The following ATP13A4 variants were observed in gnomAD, a reference collection of about 807,000 sequenced individuals.
ATP13A4 encodes the protein probable cation-transporting ATPase 13A4.
Under a neutral mutation model 142.5 loss-of-function variants are expected in ATP13A4, and 114 were observed. The ratio of observed to expected loss-of-function variants is 0.80; its 90% CI spans 0.69 to 0.93. ATP13A4 has a LOEUF of 0.93. ATP13A4 is among the 40% of genes least tolerant of loss of function. The pLI, the probability that ATP13A4 is intolerant of heterozygous loss-of-function variation, is 0.00. For synonymous variants in ATP13A4, 488 were observed against 514.8 expected (o/e 0.95, Z 0.70); for missense variants, 1,392 against 1,454.0 (o/e 0.96, Z 0.69).
At chr3:193,524,970 C>CT (rs2108694660) in intron 1 of ATP13A4, among the ~76,000 whole-genome samples, 1 of 152,278 alleles carries the variant, frequency 6.6e-6, no homozygotes, top group South Asian at 2.1e-4. Context: ...GCCTTTATCT[C>CT]TATCTGATTT....
At chr3:193,576,800 T>A (rs1400961072) in intron 2 of ATP13A4, among the ~76,000 whole-genome samples, 1 of 152,034 alleles carries the variant, frequency 6.6e-6, no homozygotes, top group African/African-American at 2.4e-5. Flanking sequence ...AAAAAACAAC[T>A]CATAAAAGCA....
At chr3:193,468,140 T>C (rs1718413457) in intron 9 of ATP13A4, among the ~76,000 whole-genome samples, 1 of 151,942 alleles carries the variant, frequency 6.6e-6, no homozygotes, top group Non-Finnish European at 1.5e-5. Flanking sequence ...GATTGTGCCA[T>C]TGCACTCCAG....
In ATP13A4 at chr3:193,577,401, C is replaced by T. The variant is rs76388623; in HGVS notation, n.291+4306G>A. Among the ~76,000 whole-genome samples the T allele has an allele frequency of 2.0e-5, 3 of 152,226 alleles. No individual in the cohort carries two copies. The East Asian group carries it at 5.8e-4, about 29-fold the overall frequency. ...CTTACCATTCTTTCTTCTGAGATGC[C>T]TTTTCACCTTCTCTTTATCTAAATC... On this transcript the variant is annotated intron_variant and non_coding_transcript_variant, in intron 2 of 3. Transcript: ENST00000489140.
intron 7 of ATP13A4, among the ~76,000 whole-genome samples, chr3:193,486,229 C>T (rs971733660): frequency 6.6e-6 from 1 of 151,922 alleles, no homozygotes; most frequent in African/African-American, 2.4e-5. Context: ...GTTTGTGAAC[C>T]TCCAGGGAAA....
intron 25 of ATP13A4, among the ~76,000 whole-genome samples, chr3:193,432,310 A>G (rs146896630): frequency 6.6e-6 from 1 of 152,252 alleles, no homozygotes; most frequent in East Asian, 1.9e-4. Context: ...CATTGGTAGT[A>G]GAAATGCAAA....
intron 28 of ATP13A4, among the ~76,000 whole-genome samples, chr3:193,410,358 A>G (rs1006610854): frequency 6.6e-6 from 1 of 152,320 alleles, no homozygotes; most frequent in South Asian, 2.1e-4. Flanking sequence ...TTAGGAAAAA[A>G]TTCTCTCATA....
At chr3:193,534,909 C>A (rs545348380) in intron 1 of ATP13A4, among the ~76,000 whole-genome samples, 41 of 151,858 alleles carry the variant, frequency 2.7e-4, no homozygotes, top group Non-Finnish European at 5.9e-4. Context: ...CTAAAGAAAT[C>A]TACAAAAAGA....
At chr3:193,483,680 C>G (rs552602873) in intron 8 of ATP13A4, among the ~76,000 whole-genome samples, 119 of 152,056 alleles carry the variant, frequency 7.8e-4, no homozygotes, top group Admixed American at 1.2e-3. Context: ...TAGCCAGGAT[C>G]GTCTCGATCT....
At chr3:193,482,028 G>A (rs1719326440) in intron 8 of ATP13A4, among the ~76,000 whole-genome samples, 1 of 152,038 alleles carries the variant, frequency 6.6e-6, no homozygotes, top group South Asian at 2.1e-4. Flanking sequence ...CAAAACTGTA[G>A]GACTAACATT....
intron 1 of ATP13A4, among the ~76,000 whole-genome samples, chr3:193,524,831 T>G (rs894111177): frequency 6.6e-6 from 1 of 152,232 alleles, no homozygotes; most frequent in African/African-American, 2.4e-5. Flanking sequence ...GGCTGATTAA[T>G]AACCTCTCAG....
At chr3:193,503,080 A>C (rs1011554512) in intron 2 of ATP13A4, among the ~76,000 whole-genome samples, 2 of 152,154 alleles carry the variant, frequency 1.3e-5, no homozygotes, top group African/African-American at 4.8e-5. Flanking sequence ...AAAAATGTTA[A>C]GTGTCCCTCT....
Position 193,491,372 on chromosome 3 carries a change from A to G in ATP13A4, c.560T>C (p.Ile187Thr). Residue 187 changes from isoleucine to threonine, a missense_variant, in exon 6 of 30, where the codon ATC becomes ACC. Coordinates refer to ENST00000342695, the MANE Select transcript of ATP13A4 (RefSeq NM_032279.4). ...IRRLICGPNT[I>T]DVEVTPIWKL... Reference sequence around the variant, plus strand: ...CCAAATTGGTGTAACTTCAACATCGATAGTATTAGGCCCACATATTAACCT... The same window carrying G: ...CCAAATTGGTGTAACTTCAACATCGGTAGTATTAGGCCCACATATTAACCT... 1 of 1,600,270 alleles carries G rather than the reference A, an allele frequency of 6.2e-7. No homozygotes were observed.
chr3:193,409,165 T>C (rs1264677212), intron 28 of ATP13A4, among the ~76,000 whole-genome samples: 3 of 152,182 alleles, frequency 2.0e-5, no homozygotes, highest in Non-Finnish European at 2.9e-5. Flanking sequence ...AAATAATTTA[T>C]AAATTTTTAA....
At chr3:193,524,229 C>T (rs1476529910) in intron 1 of ATP13A4, among the ~76,000 whole-genome samples, 1 of 152,190 alleles carries the variant, frequency 6.6e-6, no homozygotes, top group African/African-American at 2.4e-5. Flanking sequence ...GGTATGGGAA[C>T]CTCCCAACTT....
At chr3:193,417,966 C>T (rs1177403435) in intron 25 of ATP13A4, among the ~76,000 whole-genome samples, 2 of 145,044 alleles carry the variant, frequency 1.4e-5, no homozygotes, top group African/African-American at 5.1e-5. Context: ...ACTAAAAATA[C>T]AAAAAATTAG....
chr3:193,445,122 A>C (rs1311392959), intron 18 of ATP13A4, among the ~76,000 whole-genome samples: 3 of 152,212 alleles, frequency 2.0e-5, no homozygotes, highest in Non-Finnish European at 4.4e-5. Flanking sequence ...TGCCGGAGAC[A>C]GATGAAACCT....
At chr3:193,564,319 T>C (rs77141415) in intron 2 of ATP13A4, among the ~76,000 whole-genome samples, 5,411 of 152,298 alleles carry the variant, frequency 0.036, 110 homozygotes, top group East Asian at 0.048. Flanking sequence ...AATCCCTAAA[T>C]GAGGGTAAGC....
intron 1 of ATP13A4, among the ~76,000 whole-genome samples, chr3:193,519,626 A>ATTTTTTTTTTTTTTTTTTTTTT (rs147173408): frequency 1.4e-5 from 1 of 69,040 alleles, no homozygotes; most frequent in Admixed American, 2.0e-4. Flanking sequence ...GCAATTTGTA[A>ATTTTTTTTTTTTTTTTTTTTTT]TTTTTTTTTT....
intron 1 of ATP13A4, among the ~76,000 whole-genome samples, chr3:193,527,788 G>A (rs78391844): frequency 0.012 from 1,895 of 152,202 alleles, 35 homozygotes; most frequent in African/African-American, 0.044. Flanking sequence ...TCCAGTCTCA[G>A]GAAGTTGTTT....
Sources: gnomAD v4.1 joint callset for allele counts (sites outside exome capture counted in the v4.1 genomes callset) on GRCh38, gnomAD v4.1.1 for gene constraint, MANE v1.5 for transcripts, NCBI Gene and HGNC (gene_info 2026-07-23, HGNC 2026-07-21) for gene names.